Variants in HIPK2 observed in about 807,000 individuals in gnomAD.
HIPK2 encodes the protein homeodomain-interacting protein kinase 2.
HIPK2 carries 27 observed loss-of-function variants against 113.7 expected under a neutral mutation model. The observed-to-expected ratio is 0.24, with a 90% CI of 0.17 to 0.33. The LOEUF (loss-of-function observed/expected upper bound fraction) is 0.33, where lower values mean the gene tolerates loss of function less well. HIPK2 is among the 10% of genes least tolerant of loss of function. The probability of loss-of-function intolerance (pLI) is 1.00; values close to 1 mark genes in which losing one functional copy is unlikely to be tolerated. For missense variants in HIPK2, 1,257 were observed against 1,588.0 expected, an observed-to-expected ratio of 0.79 and a Z score of 3.54; for synonymous variants, 631 against 642.2, an observed-to-expected ratio of 0.98 and a Z score of 0.26.
intron 1 of HIPK2, among the ~76,000 whole-genome samples, chr7:139,728,090 C>T (rs755474642): frequency 1.3e-5 from 2 of 151,848 alleles, no homozygotes; most frequent in Non-Finnish European, 1.5e-5. Flanking sequence ...CAGGTGTGCG[C>T]CATCATGCCT....
intron 2 of HIPK2, among the ~76,000 whole-genome samples, chr7:139,693,721 GAA>G (rs34589503): frequency 2.1e-4 from 29 of 138,414 alleles, no homozygotes; most frequent in Admixed American, 3.5e-4. Flanking sequence ...TTTTTGTCCA[GAA>G]AAAAAAAAAA....
At chr7:139,748,904 C>T (rs1239293352) in intron 1 of HIPK2, among the ~76,000 whole-genome samples, 4 of 152,214 alleles carry the variant, frequency 2.6e-5, no homozygotes, top group African/African-American at 7.2e-5. Context: ...TTACTGGCTA[C>T]TCAGCTTTGT....
intron 13 of HIPK2, among the ~76,000 whole-genome samples, chr7:139,579,124 C>T (rs1041514882): frequency 1.5e-4 from 23 of 152,294 alleles, no homozygotes; most frequent in African/African-American, 5.1e-4. Context: ...TCCAGTCATT[C>T]GCCAAAATGC....
chr7:139,614,153 C>G, intron 8 of HIPK2, 133 bp downstream of exon 8: 2 of 836,118 alleles, frequency 2.4e-6, no homozygotes, highest in Non-Finnish European at 3.4e-6. Flanking sequence ...TTCAGTGATA[C>G]CAGCGCTCTC....
intron 2 of HIPK2, among the ~76,000 whole-genome samples, chr7:139,638,656 C>CTT (rs1184555180): frequency 1.3e-3 from 164 of 130,234 alleles, no homozygotes; most frequent in African/African-American, 3.0e-3. Flanking sequence ...AAATAATTGT[C>CTT]TTTTTTTTTT....
intron 2 of HIPK2, among the ~76,000 whole-genome samples, chr7:139,688,868 A>G (rs1794313050): frequency 6.6e-6 from 1 of 152,236 alleles, no homozygotes; most frequent in Non-Finnish European, 1.5e-5. Context: ...ACATGATGAA[A>G]AAAAAGTCAA....
chr7:139,712,641 T>C (rs2116925582), intron 2 of HIPK2, among the ~76,000 whole-genome samples: 1 of 152,350 alleles, frequency 6.6e-6, no homozygotes, highest in Admixed American at 6.5e-5. Context: ...TGAAAGCATC[T>C]GAAAGCGTCT....
chr7:139,577,777 C>T (rs1008341394), intron 13 of HIPK2, among the ~76,000 whole-genome samples: 2 of 152,134 alleles, frequency 1.3e-5, no homozygotes, highest in Non-Finnish European at 2.9e-5. Context: ...GAACAAGAGC[C>T]TGGCGCTGGG....
rs780376790 is a variant in HIPK2, at chr7:139,661,696, T to TA, written c.1104-29972dup. Reference sequence around the variant, plus strand: ...CTAACACTAATGATAGCTGATTAGTTAAAAAAAAATCACACACACAAAAAA... The same window carrying TA: ...CTAACACTAATGATAGCTGATTAGTTAAAAAAAAAATCACACACACAAAAAA... On this transcript the variant is annotated intron_variant, in intron 2 of 14. Transcript: ENST00000406875. Among the ~76,000 whole-genome samples, 453 of 151,854 alleles carry TA rather than the reference T, an allele frequency of 3.0e-3. 2 individuals carry two copies. Among genetic ancestry groups the TA allele is most frequent in the Non-Finnish European group, 3.7e-3 (254 of 67,902 alleles).
At chr7:139,663,773 C>A (rs1196539446) in intron 2 of HIPK2, among the ~76,000 whole-genome samples, 7 of 152,204 alleles carry the variant, frequency 4.6e-5, no homozygotes, top group African/African-American at 7.2e-5. Flanking sequence ...TAGCACTCTC[C>A]ACAGTGCTGA....
Position 139,563,732 on chromosome 7 carries a change from C to T in HIPK2, c.*9195G>A, listed in dbSNP as rs963895247. ...AGTAACATTTCCACCAAAAGACTGT[C>T]CTAAGAACACGCTGTCAATACAGTT... On this transcript the variant is annotated 3_prime_UTR_variant, in exon 15 of 15. Transcript: ENST00000406875. The T allele has an allele frequency of 5.0e-6, 2 of 397,848 alleles. No homozygotes were observed. The highest frequency in any genetic ancestry group is 4.1e-5 in the African/African-American group (2 of 48,590). 24.6% of individuals were successfully genotyped at this position (397,848 alleles called of 1,614,324 possible). A position where few individuals can be genotyped will look rare whatever the true frequency, so the allele number is the denominator to read the frequency against.
Position 139,715,956 on chromosome 7 carries a change from G to A in HIPK2, c.1079C>T (p.Thr360Ile). ...CCTGTAATATCTGGACTGCAAGTAG[G>A]TGGAGCACACAGCCTTGGAGACGTG... The part of the protein sequence containing the change: ...ASHVSKAVCS[T>I]YLQSRYYRAP... Residue 360 changes from threonine (T) to isoleucine (I), a missense_variant, in exon 2 of 15, where the codon ACC becomes ATC. Physicochemically the swap from Thr to Ile is moderately conservative, Grantham distance 89. Coordinates refer to ENST00000406875, the MANE Select transcript of HIPK2 (RefSeq NM_022740.5). The A allele has an allele frequency of 6.2e-7, 1 of 1,614,126 alleles. No homozygotes were observed. Among genetic ancestry groups the A allele is most frequent in the Non-Finnish European group, 8.5e-7 (1 of 1,179,978 alleles).
At chr7:139,731,837 C>T (rs1044423433) in intron 1 of HIPK2, among the ~76,000 whole-genome samples, 3 of 152,172 alleles carry the variant, frequency 2.0e-5, no homozygotes, top group East Asian at 3.9e-4. Context: ...CTCCATGTTA[C>T]AACTGTTTTG....
chr7:139,746,775 C>G (rs1239504996), intron 1 of HIPK2, among the ~76,000 whole-genome samples: 1 of 152,164 alleles, frequency 6.6e-6, no homozygotes, highest in Non-Finnish European at 1.5e-5. Flanking sequence ...AGTCAGGTGG[C>G]TCAGCTCCTT....
rs754335313 is a variant in HIPK2, at chr7:139,575,322, G to A, written c.2966-34C>T. On this transcript the variant is annotated intron_variant, in intron 13 of 14. Transcript: ENST00000406875. The stretch of plus-strand genomic sequence containing the variant: ...GGAGGAGAAAGAGGTCAGATCAGTG[G>A]CAGGGTCCCAGCTGCCCAGAAGATG... 7.8e-6 allele frequency: 12 copies of A among 1,538,364 alleles called. No homozygotes were observed. In the East Asian group the frequency reaches 2.0e-4, roughly 25 times the overall value.
intron 2 of HIPK2, among the ~76,000 whole-genome samples, chr7:139,674,063 C>CAA (rs112116239): frequency 3.0e-5 from 3 of 99,238 alleles, no homozygotes; most frequent in Non-Finnish European, 4.3e-5. Flanking sequence ...GAGACTGTCT[C>CAA]AAAAAAAAAA....
At chr7:139,692,830 G>A (rs1041670065) in intron 2 of HIPK2, among the ~76,000 whole-genome samples, 1 of 152,238 alleles carries the variant, frequency 6.6e-6, no homozygotes, top group Non-Finnish European at 1.5e-5. Context: ...CCTAGGCAGG[G>A]AAGAAGTACG....
rs1569433875 is a variant in HIPK2, at chr7:139,564,117, C to T, written c.*8810G>A. 2.5e-6 allele frequency: 1 copy of T among 397,130 alleles called. No individual in the cohort carries two copies. Among genetic ancestry groups the T allele is most frequent in the South Asian group, 1.4e-4 (1 of 7,020 alleles). 24.6% of individuals were successfully genotyped at this position (397,130 alleles called of 1,614,324 possible). On this transcript the variant is annotated 3_prime_UTR_variant, in exon 15 of 15. Transcript: ENST00000406875. ...TCTCTGAGAGGATGCTAAGGTCCCC[C>T]TCCCACCGAACTAGACTTTGAGTCT...
At chr7:139,638,788 G>T (rs528181939) in intron 2 of HIPK2, among the ~76,000 whole-genome samples, 1 of 151,456 alleles carries the variant, frequency 6.6e-6, no homozygotes, top group Admixed American at 6.6e-5. Flanking sequence ...CTCCTGAGTA[G>T]TTGGGACTAC....
Sources: allele counts gnomAD v4.1 joint callset (sites outside exome capture counted in the v4.1 genomes callset), GRCh38; gene constraint gnomAD v4.1.1; transcripts MANE v1.5; gene names NCBI Gene and HGNC (gene_info 2026-07-23, HGNC 2026-07-21).